The following KCNN3 variants were observed in gnomAD, a reference collection of about 807,000 sequenced individuals.
The protein encoded by KCNN3 is potassium calcium-activated channel subfamily N member 3, also known as small conductance calcium-activated potassium channel protein 3.
KCNN3 carries 16 observed loss-of-function variants against 62.9 expected under a neutral mutation model. That is an observed-to-expected ratio of 0.25 (90% CI 0.17 to 0.39). The LOEUF is 0.39. KCNN3 is among the 10% of genes least tolerant of loss of function. The pLI is 1.00. For missense variants in KCNN3, 599 were observed against 949.4 expected (o/e 0.63, Z 4.85); for synonymous variants, 370 against 389.2 (o/e 0.95, Z 0.58).
intron 5 of KCNN3, among the ~76,000 whole-genome samples, chr1:154,717,564 TA>T (rs397969301): frequency 6.8e-6 from 1 of 147,710 alleles, no homozygotes; most frequent in Admixed American, 6.8e-5. Flanking sequence ...TTTTTTTTTT[TA>T]AATCATCATG....
At chr1:154,852,847 A>G (rs1341319100) in intron 1 of KCNN3, among the ~76,000 whole-genome samples, 1 of 152,202 alleles carries the variant, frequency 6.6e-6, no homozygotes, top group Non-Finnish European at 1.5e-5. Flanking sequence ...GCTGTCTACA[A>G]CACACCAGGC....
chr1:154,786,971 A>C (rs1037344283), intron 2 of KCNN3, among the ~76,000 whole-genome samples: 14 of 151,096 alleles, frequency 9.3e-5, no homozygotes, highest in African/African-American at 3.4e-4. Flanking sequence ...TAGAGCTTCA[A>C]ATCCCCTGGG....
intron 3 of KCNN3, among the ~76,000 whole-genome samples, chr1:154,754,985 T>A (rs75125778): frequency 6.6e-6 from 1 of 152,224 alleles, no homozygotes; most frequent in African/African-American, 2.4e-5. Flanking sequence ...AAACTTGGCA[T>A]GGTGCAGGGA....
chr1:154,737,199 G>GCA (rs773486379), intron 3 of KCNN3: 8 of 125,686 alleles, frequency 6.4e-5, no homozygotes, highest in Non-Finnish European at 1.3e-4. Flanking sequence ...TTTTGCAATA[G>GCA]AAAATTTGGG....
intron 3 of KCNN3, among the ~76,000 whole-genome samples, chr1:154,759,353 T>C (rs1281432769): frequency 2.6e-5 from 4 of 151,602 alleles, no homozygotes; most frequent in African/African-American, 7.3e-5. Flanking sequence ...TAGGGCACAA[T>C]GGGATCACGA....
rs1369442971 is a variant in KCNN3, at chr1:154,862,605, C to A, written c.933+6427G>T. 6.6e-6 allele frequency among the ~76,000 whole-genome samples: 1 copy of A among 152,092 alleles called. No individual in the cohort carries two copies. Among genetic ancestry groups the A allele is most frequent in the African/African-American group, 2.4e-5 (1 of 41,422 alleles). ...CCACACCTACCCTCCTCACAACCTG[C>A]CCGGTATCACCCTGAGGGCAGCAGC... is the stretch of plus-strand genomic sequence containing the variant. On this transcript the variant is annotated intron_variant, in intron 1 of 7. Transcript: ENST00000271915. The surrounding 1 kb of genome is among the most constrained non-coding windows in gnomAD (Gnocchi z 4.1).
At chr1:154,734,765 C>T (rs1402261236) in intron 3 of KCNN3, among the ~76,000 whole-genome samples, 3 of 152,178 alleles carry the variant, frequency 2.0e-5, no homozygotes, top group Non-Finnish European at 2.9e-5. Context: ...GCACTTTGTA[C>T]GCAAACATTC....
intron 1 of KCNN3, among the ~76,000 whole-genome samples, chr1:154,841,814 G>C (rs991615457): frequency 6.6e-6 from 1 of 152,210 alleles, no homozygotes; most frequent in Non-Finnish European, 1.5e-5. Context: ...TGGGGAGAGC[G>C]GGCTGAGTGT....
intron 3 of KCNN3, among the ~76,000 whole-genome samples, chr1:154,740,582 A>G (rs1333224104): frequency 2.0e-5 from 3 of 152,252 alleles, no homozygotes; most frequent in Non-Finnish European, 4.4e-5. Context: ...GTTTTCTAAG[A>G]TGCCAGTGCC....
Position 154,747,360 on chromosome 1 carries a change from A to G in KCNN3, c.1449-14216T>C, listed in dbSNP as rs1369075347. Among the ~76,000 whole-genome samples, 3 of 152,042 alleles carry G rather than the reference A, an allele frequency of 2.0e-5. No individual in the cohort carries two copies. In the South Asian group the frequency reaches 6.2e-4, roughly 32 times the overall value. The stretch of plus-strand genomic sequence containing the variant: ...AACTCCAGACCCTCCCCTGCTCCCA[A>G]TCTACCAGTGGCTCCCCCTCTCCTA... On this transcript the variant is annotated intron_variant, in intron 3 of 7. Coordinates refer to ENST00000271915, the MANE Select transcript of KCNN3 (RefSeq NM_002249.6).
intron 3 of KCNN3, among the ~76,000 whole-genome samples, chr1:154,734,533 G>T (rs1700669564): frequency 1.3e-5 from 2 of 152,148 alleles, no homozygotes; most frequent in South Asian, 4.1e-4. Flanking sequence ...GCCCCCACAG[G>T]GTCTGTGCCC....
chr1:154,735,149 C>T (rs909465018), intron 3 of KCNN3, among the ~76,000 whole-genome samples: 8 of 152,134 alleles, frequency 5.3e-5, no homozygotes, highest in South Asian at 2.1e-4. Context: ...CGGCGGGTGG[C>T]GAGCAGGGTA....
intron 1 of KCNN3, among the ~76,000 whole-genome samples, chr1:154,836,258 C>T (rs1651578406): frequency 6.6e-6 from 1 of 152,226 alleles, no homozygotes; most frequent in South Asian, 2.1e-4. Context: ...GTAGGACTCC[C>T]ACAGTACCCC....
chr1:154,724,294 T>C (rs111681063), intron 5 of KCNN3, among the ~76,000 whole-genome samples: 8 of 152,226 alleles, frequency 5.3e-5, no homozygotes, highest in African/African-American at 1.7e-4. Context: ...TGTTCTTCCT[T>C]CCTGCCGTTG....
chr1:154,855,711 T>A (rs1652494309), intron 1 of KCNN3, among the ~76,000 whole-genome samples: 2 of 152,208 alleles, frequency 1.3e-5, no homozygotes, highest in South Asian at 4.1e-4. Context: ...CGCATGACTG[T>A]ATATCTGTGA....
intron 3 of KCNN3, among the ~76,000 whole-genome samples, chr1:154,749,875 G>A (rs1647280835): frequency 6.6e-6 from 1 of 152,074 alleles, no homozygotes. Flanking sequence ...GGATGCTCCC[G>A]GACCACAAGC....
At chr1:154,789,154 C>G (rs1181862972) in intron 2 of KCNN3, among the ~76,000 whole-genome samples, 1 of 152,206 alleles carries the variant, frequency 6.6e-6, no homozygotes, top group Non-Finnish European at 1.5e-5. Flanking sequence ...TTTCCAGCTT[C>G]CAGAGAGGGC....
At chr1:154,804,584 T>C (rs1231028854) in intron 2 of KCNN3, among the ~76,000 whole-genome samples, 1 of 152,122 alleles carries the variant, frequency 6.6e-6, no homozygotes, top group Admixed American at 6.5e-5. Flanking sequence ...GAACACATCT[T>C]ATTCTTTCCC....
chr1:154,780,084 A>G (rs1648959888), intron 2 of KCNN3, among the ~76,000 whole-genome samples: 1 of 152,098 alleles, frequency 6.6e-6, no homozygotes, highest in Non-Finnish European at 1.5e-5. Flanking sequence ...GACACTACCC[A>G]GTGCCTCCAG....
Sources: gnomAD v4.1 joint callset for allele counts (sites outside exome capture counted in the v4.1 genomes callset) on GRCh38, gnomAD v4.1.1 for gene constraint, Gnocchi (gnomAD v3.1) non-coding constraint, MANE v1.5 for transcripts, NCBI Gene and HGNC (gene_info 2026-07-23, HGNC 2026-07-21) for gene names.